The following CALN1 variants were observed in gnomAD, a reference collection of about 807,000 sequenced individuals.
The protein encoded by CALN1 is calneuron 1, also known as calcium-binding protein 8.
In CALN1, 17 loss-of-function variants were observed where a neutral mutation model predicts 30.6. The observed-to-expected ratio is 0.56, with a 90% CI of 0.38 to 0.83. The LOEUF is 0.83. Among genes scored for constraint, CALN1 ranks in the 40% least tolerant of loss-of-function variants. The pLI is 0.00. For missense variants in CALN1, 291 were observed against 354.9 expected, an observed-to-expected ratio of 0.82 and a Z score of 1.45; for synonymous variants, 156 against 131.4, an observed-to-expected ratio of 1.19 and a Z score of -1.28.
At chr7:72,114,313 G>C (rs1807812642) in intron 3 of CALN1, among the ~76,000 whole-genome samples, 1 of 136,204 alleles carries the variant, frequency 7.3e-6, no homozygotes, top group African/African-American at 2.6e-5. Context: ...GGAAGGGAAG[G>C]CAACACTGTA....
intron 2 of CALN1, among the ~76,000 whole-genome samples, chr7:72,343,371 ACT>A (rs1802471852): frequency 6.6e-6 from 1 of 151,860 alleles, no homozygotes; most frequent in African/African-American, 2.4e-5. Context: ...ACATGGTGAA[ACT>A]CTGTTTCTAC....
intron 2 of CALN1, among the ~76,000 whole-genome samples, chr7:72,346,368 A>C (rs1280778756): frequency 6.6e-6 from 1 of 152,136 alleles, no homozygotes; most frequent in Non-Finnish European, 1.5e-5. Context: ...ATTTTTAAAA[A>C]AATATTTATT....
chr7:71,979,684 G>C (rs921457436), intron 5 of CALN1, among the ~76,000 whole-genome samples: 1 of 152,002 alleles, frequency 6.6e-6, no homozygotes. Flanking sequence ...GGGGACCCCT[G>C]CTCTATGGGA....
the CALN1 span, among the ~76,000 whole-genome samples, chr7:72,498,031 A>C: frequency 2.0e-5 from 3 of 152,176 alleles, no homozygotes; most frequent in African/African-American, 7.2e-5. Flanking sequence ...CAATATGAGA[A>C]ATTTTTAAAA....
chr7:72,348,234 T>G (rs1802744942), intron 2 of CALN1, among the ~76,000 whole-genome samples: 2 of 152,314 alleles, frequency 1.3e-5, no homozygotes, highest in Middle Eastern at 6.8e-3. Context: ...ACAAATTAAG[T>G]GTTTTCTGTA....
chr7:71,969,502 G>C (rs1289173530), intron 5 of CALN1, among the ~76,000 whole-genome samples: 2 of 151,962 alleles, frequency 1.3e-5, no homozygotes, highest in Non-Finnish European at 2.9e-5. Context: ...GTCTCCTCCT[G>C]ACACATATTA....
At chr7:72,433,016 CA>C (rs1808024789) in intron 1 of CALN1, among the ~76,000 whole-genome samples, 1 of 152,158 alleles carries the variant, frequency 6.6e-6, no homozygotes, top group African/African-American at 2.4e-5. Flanking sequence ...ACTCTTTCTA[CA>C]CACCCTATGG....
intron 5 of CALN1, among the ~76,000 whole-genome samples, chr7:71,967,887 T>A (rs1377868290): frequency 6.6e-6 from 1 of 152,148 alleles, no homozygotes; most frequent in East Asian, 1.9e-4. Context: ...AGAATATCTA[T>A]TGCTAGCAAA....
intron 5 of CALN1, among the ~76,000 whole-genome samples, chr7:71,911,248 T>A (rs1337986669): frequency 6.6e-6 from 1 of 152,188 alleles, no homozygotes; most frequent in Non-Finnish European, 1.5e-5. Context: ...GTCTCCACAT[T>A]TGCTGAGAAT....
intron 2 of CALN1, among the ~76,000 whole-genome samples, chr7:72,365,027 G>A (rs1015354995): frequency 7.4e-5 from 11 of 149,032 alleles, no homozygotes; most frequent in East Asian, 2.0e-4. Context: ...AAAATTAGCC[G>A]GGCGTGGTGG....
At chr7:71,805,164 A>G (rs1787532544) in intron 6 of CALN1, among the ~76,000 whole-genome samples, 1 of 152,056 alleles carries the variant, frequency 6.6e-6, no homozygotes, top group Admixed American at 6.5e-5. Context: ...TCTGCCACAA[A>G]ATGTCTGTTT....
intron 3 of CALN1, among the ~76,000 whole-genome samples, chr7:72,222,259 AG>A (rs1793363234): frequency 6.6e-6 from 1 of 152,018 alleles, no homozygotes; most frequent in African/African-American, 2.4e-5. Flanking sequence ...GAAAGAAAAA[AG>A]GAAAGAAGGT....
At chr7:72,391,713 T>G (rs1805592715) in intron 2 of CALN1, among the ~76,000 whole-genome samples, 1 of 152,080 alleles carries the variant, frequency 6.6e-6, no homozygotes. Context: ...AGTTTTTTTG[T>G]TTTTTGTTTT....
chr7:72,388,776 C>G (rs1270076538), intron 2 of CALN1, among the ~76,000 whole-genome samples: 1 of 152,186 alleles, frequency 6.6e-6, no homozygotes, highest in Non-Finnish European at 1.5e-5. Context: ...ACCTGTTGGT[C>G]TCCAGGGGGA....
chr7:72,079,761 C>CTTTTTTTTTTTTTTTTTT (rs3065015), intron 4 of CALN1, among the ~76,000 whole-genome samples: 8 of 104,046 alleles, frequency 7.7e-5, no homozygotes, highest in African/African-American at 2.0e-4. Context: ...TGCCTTTTTC[C>CTTTTTTTTTTTTTTTTTT]TTTTTTTTTT....
chr7:71,917,858 G>C (rs149710929), intron 5 of CALN1, among the ~76,000 whole-genome samples: 178 of 152,260 alleles, frequency 1.2e-3, no homozygotes, highest in African/African-American at 4.0e-3. Context: ...CACAAAGTAT[G>C]CATATATCAA....
intron 3 of CALN1, among the ~76,000 whole-genome samples, chr7:72,191,833 T>C (rs1790631054): frequency 6.6e-6 from 1 of 152,160 alleles, no homozygotes. Flanking sequence ...GAAGTGGGTT[T>C]CGCTGGATGA....
chr7:71,971,532 T>C (rs1797799115), intron 5 of CALN1, among the ~76,000 whole-genome samples: 1 of 152,172 alleles, frequency 6.6e-6, no homozygotes, highest in African/African-American at 2.4e-5. Context: ...CTAAGTATTC[T>C]ATATGCATTA....
intron 5 of CALN1, among the ~76,000 whole-genome samples, chr7:71,981,895 T>C (rs1423468695): frequency 2.0e-5 from 3 of 152,076 alleles, no homozygotes; most frequent in Non-Finnish European, 4.4e-5. Context: ...GTGGTGGTGG[T>C]GGTACGAGAG....
Sources: allele counts gnomAD v4.1 joint callset (sites outside exome capture counted in the v4.1 genomes callset), GRCh38; gene constraint gnomAD v4.1.1; transcripts MANE v1.5; gene names NCBI Gene and HGNC (gene_info 2026-07-23, HGNC 2026-07-21).